The following CCDC97 variants were observed in gnomAD, a reference collection of about 807,000 sequenced individuals.
The protein encoded by CCDC97 is coiled-coil domain containing 97, also known as coiled-coil domain-containing protein 97.
Under a neutral mutation model 33.9 loss-of-function variants are expected in CCDC97, and 27 were observed. The ratio of observed to expected loss-of-function variants is 0.80; its 90% CI spans 0.59 to 1.10. The LOEUF (loss-of-function observed/expected upper bound fraction) is 1.10. Among genes scored for constraint, CCDC97 ranks in the 50% least tolerant of loss-of-function variants. The pLI is 0.00. For missense variants in CCDC97, 422 were observed against 476.6 expected, an observed-to-expected ratio of 0.89 and a Z score of 1.07; for synonymous variants, 217 against 194.0, an observed-to-expected ratio of 1.12 and a Z score of -0.99.
chr19:41,310,383 C>A (rs1447556714), intron 1 of CCDC97, 27 bp downstream of exon 1: 2 of 1,592,526 alleles, frequency 1.3e-6, no homozygotes, highest in African/African-American at 2.7e-5. Flanking sequence ...GCGCAGGCGG[C>A]GGGTGGGTGC....
At chr19:41,317,491 G>A (rs1442499204) in intron 2 of CCDC97, among the ~76,000 whole-genome samples, 1 of 152,102 alleles carries the variant, frequency 6.6e-6, no homozygotes, top group African/African-American at 2.4e-5. Context: ...GGGAGGTCAA[G>A]GTGGGTAGAT....
In CCDC97 at chr19:41,316,684, G is replaced by T. The variant is rs559582361; in HGVS notation, c.347G>T (p.Arg116Leu). The T allele has an allele frequency of 2.5e-5, 41 of 1,613,974 alleles. No individual in the cohort carries two copies. The highest frequency in any genetic ancestry group is 3.4e-5 in the Non-Finnish European group (40 of 1,180,022). ...CTGGAGCGCTTCCGCACAGGCCTCC[G>T]TGAGGAGCATCTGGCCTGCTTTGGC... is the stretch of plus-strand genomic sequence containing the variant. Reference protein sequence around the residue: ...VFLERFRTGLREEHLACFGHV... With the variant: ...VFLERFRTGLLEEHLACFGHV... The change falls in exon 2 of 5, where the codon CGT (arginine) becomes CTT (leucine). Residue 116 changes from arginine to leucine, a missense_variant. Coordinates refer to ENST00000269967, the MANE Select transcript of CCDC97 (RefSeq NM_052848.3).
At chr19:41,319,481 C>A in intron 2 of CCDC97, 93 bp from the exon 3 acceptor site, 2 of 930,018 alleles carry the variant, frequency 2.2e-6, no homozygotes, top group Non-Finnish European at 1.7e-6. Flanking sequence ...TGTGTATGCA[C>A]ATCATCCCAC....
chr19:41,316,311 T>C (rs1269901735), intron 1 of CCDC97, 73 bp from the exon 2 acceptor site: 1 of 1,194,960 alleles, frequency 8.4e-7, no homozygotes, highest in Admixed American at 2.1e-5. Flanking sequence ...AAATGTGAGC[T>C]GAGTGAGTGA....
At chr19:41,310,516 CTTGTCGCGGGCTGACCT>C in intron 1 of CCDC97, 160 bp downstream of exon 1, 2 of 985,088 alleles carry the variant, frequency 2.0e-6, no homozygotes, top group Non-Finnish European at 2.4e-6. Context: ...TATTCCCTCC[CTTGTCGCGGGCTGACCT>C]TCTTTTCCTC....
In CCDC97 at chr19:41,319,822, G is replaced by C; in HGVS notation, c.751G>C (p.Glu251Gln). 1 of 1,569,686 alleles carries C rather than the reference G, an allele frequency of 6.4e-7. No individual in the cohort carries two copies. Among genetic ancestry groups the C allele is most frequent in the South Asian group, 1.1e-5 (1 of 89,870 alleles). ...QEEEEACLEE[E>Q]EEEEDSDEED... is the part of the protein sequence containing the mutation. The stretch of plus-strand genomic sequence containing the variant: ...GGAGGAGGAGGCCTGCTTGGAGGAA[G>C]AGGAAGAGGAGGAGGACAGTGACGA... The change falls in exon 3 of 5, where the codon GAG (glutamate) becomes CAG (glutamine). Residue 251 changes from glutamate (E) to glutamine (Q), a missense_variant. Physicochemically the swap from Glu to Gln is conservative, Grantham distance 29. Transcript: ENST00000269967.
rs936344727 is a variant in CCDC97 at position 41,320,232 on chromosome 19, G to C, written c.782-109G>C. The C allele has an allele frequency of 1.2e-5, 18 of 1,448,104 alleles. No homozygotes were observed. The African/African-American group carries it at 2.0e-4, about 16-fold the overall frequency. 89.7% of individuals were successfully genotyped at this position (1,448,104 alleles called of 1,614,324 possible). The stretch of plus-strand genomic sequence containing the variant: ...TCTCTGTCACTAGTGTGTTCCCAGA[G>C]CCACCCAGCGCAAGGCTGGGCACAG... On this transcript the variant is annotated intron_variant, in intron 3 of 4. Transcript: ENST00000269967.
chr19:41,315,296 C>CCAA (rs2037732328), intron 1 of CCDC97, among the ~76,000 whole-genome samples: 1 of 41,728 alleles, frequency 2.4e-5, no homozygotes, highest in Admixed American at 2.9e-4. Context: ...GACTCCGTCT[C>CCAA]AAAAAAAAAA....
At chr19:41,310,589 C>T (rs2037671468) in intron 1 of CCDC97, 1 of 985,246 alleles carries the variant, frequency 1.0e-6, no homozygotes, top group Admixed American at 6.2e-5. Context: ...CCAGACCAAT[C>T]CTTTCCATGT....
chr19:41,311,651 C>A (rs947174825), intron 1 of CCDC97, among the ~76,000 whole-genome samples: 3 of 152,014 alleles, frequency 2.0e-5, no homozygotes, highest in African/African-American at 7.3e-5. Flanking sequence ...CAACTGGAAT[C>A]ACTTGAACCC....
Position 41,322,685 on chromosome 19 carries a change from T to TGC in CCDC97, c.1005_1006dup (p.Pro336ArgfsTer28). ...ACTTTGATGAGGAAGAACCTGAGGATGCGCCCAGCCCAGAGCTGGATGGGG... is the reference window on the plus strand; with the variant it reads ...ACTTTGATGAGGAAGAACCTGAGGATGCGCGCCCAGCCCAGAGCTGGATGGGG... On this transcript the variant is annotated frameshift_variant, in exon 5 of 5. Coordinates refer to ENST00000269967, the MANE Select transcript of CCDC97 (RefSeq NM_052848.3). LOFTEE classifies it high-confidence loss of function. 1 of 1,612,820 alleles carries TGC rather than the reference T, an allele frequency of 6.2e-7. No homozygotes were observed. The highest frequency in any genetic ancestry group is 8.5e-7 in the Non-Finnish European group (1 of 1,179,390).
intron 1 of CCDC97, among the ~76,000 whole-genome samples, chr19:41,315,498 T>A (rs1599873036): frequency 6.7e-6 from 1 of 150,220 alleles, no homozygotes; most frequent in South Asian, 2.1e-4. Context: ...CCCAGCTAGT[T>A]GGGAGGCTGA....
chr19:41,322,628 C>A lies in CCDC97; in HGVS notation c.945C>A (p.Leu315=). 1 of 1,613,480 alleles carries A rather than the reference C, an allele frequency of 6.2e-7. No homozygotes were observed. Among genetic ancestry groups the A allele is most frequent in the South Asian group, 1.1e-5 (1 of 91,038 alleles). ...ACGACAACCCCGACTTCGACAACCT[C>A]GACATCGTGGCACGGGATGAGGAGG... ...TVDDNPDFDN[L]DIVARDEEER... The change falls in exon 5 of 5, where the codon CTC becomes CTA. Residue 315 remains leucine, a synonymous_variant. Coordinates refer to ENST00000269967, the MANE Select transcript of CCDC97 (RefSeq NM_052848.3).
chr19:41,310,249 G>T lies in CCDC97; in HGVS notation c.-62G>T, dbSNP rs866109818. 6.4e-7 allele frequency: 1 copy of T among 1,555,636 alleles called. No homozygotes were observed. Among genetic ancestry groups the T allele is most frequent in the South Asian group, 1.2e-5 (1 of 84,658 alleles). On this transcript the variant is annotated 5_prime_UTR_variant, in exon 1 of 5. Transcript: ENST00000269967. ...TCTCAGGCGAAAGTGTCTCTTGCGT[G>T]CGTGGGCCGGAGGTTAGTGTGCGGG...
intron 3 of CCDC97, among the ~76,000 whole-genome samples, chr19:41,320,059 C>T (rs934348913): frequency 3.3e-5 from 5 of 152,196 alleles, no homozygotes; most frequent in African/African-American, 9.7e-5. Context: ...GAACCCTCGC[C>T]TCCAGGTCTG....
chr19:41,320,781 C>G (rs910306676), intron 4 of CCDC97: 2 of 288,482 alleles, frequency 6.9e-6, no homozygotes, highest in South Asian at 3.7e-5. Flanking sequence ...CCCAAGCCCC[C>G]CAAGTCTCCC....
chr19:41,316,873 A>T, intron 2 of CCDC97, 34 bp downstream of exon 2: 1 of 1,489,616 alleles, frequency 6.7e-7, no homozygotes, highest in South Asian at 1.2e-5. Flanking sequence ...GTGGGCACAT[A>T]TGGGGAGGGA....
intron 1 of CCDC97, among the ~76,000 whole-genome samples, chr19:41,314,851 A>G (rs1387123443): frequency 6.6e-6 from 1 of 152,026 alleles, no homozygotes; most frequent in Non-Finnish European, 1.5e-5. Context: ...AAAAATTAAA[A>G]TTAGGCCGGG....
In CCDC97 at chr19:41,319,654, CAGG is replaced by C. The variant is rs754595989; in HGVS notation, c.589_591del (p.Glu197del). On this transcript the variant is annotated inframe_deletion, in exon 3 of 5. Coordinates refer to ENST00000269967, the MANE Select transcript of CCDC97 (RefSeq NM_052848.3). The stretch of plus-strand genomic sequence containing the variant: ...GCAGTACATCGGGCAGTATCTCACC[CAGG>C]AGGAGCTCAGTGCCCGCACCCCAAC... 2 of 1,614,130 alleles carry C rather than the reference CAGG, an allele frequency of 1.2e-6. No individual in the cohort carries two copies. The highest frequency in any genetic ancestry group is 1.3e-5 in the African/African-American group (1 of 75,050).
Sources: allele counts gnomAD v4.1 joint callset (sites outside exome capture counted in the v4.1 genomes callset), GRCh38; gene constraint gnomAD v4.1.1; transcripts MANE v1.5; gene names NCBI Gene and HGNC (gene_info 2026-07-23, HGNC 2026-07-21).